Variants in CADM2 observed in about 807,000 individuals in gnomAD.
CADM2 encodes the protein cell adhesion molecule 2.
Under a neutral mutation model 49.8 loss-of-function variants are expected in CADM2, and 12 were observed. The observed-to-expected ratio is 0.24, with a 90% CI of 0.15 to 0.39. The LOEUF (loss-of-function observed/expected upper bound fraction) is 0.39. CADM2 is among the 10% of genes least tolerant of loss of function. CADM2 has a pLI of 1.00. For missense variants in CADM2, 378 were observed against 492.3 expected (o/e 0.77, Z 2.20); for synonymous variants, 214 against 175.4 (o/e 1.22, Z -1.74).
chr3:85,237,888 A>C (rs921178201), intron 1 of CADM2, among the ~76,000 whole-genome samples: 3 of 151,878 alleles, frequency 2.0e-5, no homozygotes. Context: ...TTTTTCTCTT[A>C]AAATTGAATT....
At chr3:86,059,490 C>T (rs1738366894) in intron 8 of CADM2, among the ~76,000 whole-genome samples, 1 of 152,092 alleles carries the variant, frequency 6.6e-6, no homozygotes, top group African/African-American at 2.4e-5. Context: ...TTTGTGTTTT[C>T]TGCATTGTCA....
At chr3:85,710,366 C>A (rs2067080413) in intron 1 of CADM2, among the ~76,000 whole-genome samples, 1 of 151,808 alleles carries the variant, frequency 6.6e-6, no homozygotes, top group South Asian at 2.1e-4. Context: ...TTTTTTTTCC[C>A]AGACAATAAA....
intron 1 of CADM2, among the ~76,000 whole-genome samples, chr3:85,127,153 A>C (rs2039063202): frequency 6.6e-6 from 1 of 152,108 alleles, no homozygotes; most frequent in African/African-American, 2.4e-5. Flanking sequence ...AATAAAATCA[A>C]TTTTTTAAAG....
chr3:85,294,970 C>T (rs1277246482), intron 1 of CADM2, among the ~76,000 whole-genome samples: 5 of 152,104 alleles, frequency 3.3e-5, no homozygotes, highest in Non-Finnish European at 7.4e-5. Flanking sequence ...AGCTTCTGCA[C>T]AGCAAAAGAA....
chr3:85,654,121 G>T (rs376895134), intron 1 of CADM2, among the ~76,000 whole-genome samples: 9 of 152,288 alleles, frequency 5.9e-5, no homozygotes, highest in Admixed American at 4.6e-4. Flanking sequence ...TTGATGACTG[G>T]TTGACTAGGT....
chr3:85,051,228 T>G (rs929605652), intron 1 of CADM2, among the ~76,000 whole-genome samples: 5 of 152,208 alleles, frequency 3.3e-5, no homozygotes, highest in Admixed American at 1.3e-4. Context: ...CTACCTCATA[T>G]TATCAGCCCC....
intron 6 of CADM2, among the ~76,000 whole-genome samples, chr3:85,914,571 T>A (rs1416072398): frequency 1.3e-5 from 2 of 152,186 alleles, no homozygotes; most frequent in Non-Finnish European, 2.9e-5. Flanking sequence ...AATAATTGAC[T>A]ACTTAGTTAA....
intron 1 of CADM2, among the ~76,000 whole-genome samples, chr3:85,030,508 CTAATGAAAATCATCTTTGTTTT>C (rs879345195): frequency 2.2e-4 from 34 of 152,192 alleles, no homozygotes; most frequent in Non-Finnish European, 4.3e-4. Flanking sequence ...TTTCTCACTG[CTAATGAAAATCATCTTTGTTTT>C]TATGAACTTT....
At chr3:85,169,401 T>G (rs2040559472) in intron 1 of CADM2, among the ~76,000 whole-genome samples, 1 of 152,200 alleles carries the variant, frequency 6.6e-6, no homozygotes, top group South Asian at 2.1e-4. Flanking sequence ...CTCTTCTCAG[T>G]TTAATCCTTC....
At chr3:85,796,514 C>A (rs1327651879) in intron 2 of CADM2, among the ~76,000 whole-genome samples, 1 of 152,054 alleles carries the variant, frequency 6.6e-6, no homozygotes, top group African/African-American at 2.4e-5. Flanking sequence ...AAAACTCCAC[C>A]CTAAAAATTA....
chr3:85,564,894 A>G (rs1421988361), intron 1 of CADM2, among the ~76,000 whole-genome samples: 1 of 152,096 alleles, frequency 6.6e-6, no homozygotes, highest in African/African-American at 2.4e-5. Flanking sequence ...CAGGAATACT[A>G]TTTAAGAGTA....
At chr3:85,723,585 A>G (rs1198567883) in intron 1 of CADM2, among the ~76,000 whole-genome samples, 3 of 152,152 alleles carry the variant, frequency 2.0e-5, no homozygotes, top group African/African-American at 7.2e-5. Context: ...AGCTGCCGGC[A>G]TACAGAAACA....
chr3:85,812,963 G>C (rs966064233), intron 3 of CADM2, among the ~76,000 whole-genome samples: 6 of 152,076 alleles, frequency 3.9e-5, no homozygotes, highest in Non-Finnish European at 7.4e-5. Flanking sequence ...TGGACATTCG[G>C]GTTGGTTCCA....
intron 1 of CADM2, among the ~76,000 whole-genome samples, chr3:85,660,996 A>G (rs2065385675): frequency 6.6e-6 from 1 of 152,024 alleles, no homozygotes; most frequent in Admixed American, 6.6e-5. Flanking sequence ...TCAGAATGAA[A>G]GTTAAGGTGG....
At chr3:85,881,280 T>C (rs1049581674) in intron 3 of CADM2, among the ~76,000 whole-genome samples, 2 of 152,230 alleles carry the variant, frequency 1.3e-5, no homozygotes, top group Non-Finnish European at 2.9e-5. Flanking sequence ...GTTTTCTGTT[T>C]TTTTTATTTG....
intron 1 of CADM2, among the ~76,000 whole-genome samples, chr3:85,062,301 G>A (rs900155903): frequency 6.6e-6 from 1 of 151,944 alleles, no homozygotes; most frequent in Non-Finnish European, 1.5e-5. Flanking sequence ...AATACTCATG[G>A]TAGTCCTAAA....
intron 1 of CADM2, among the ~76,000 whole-genome samples, chr3:85,448,431 G>A (rs948430156): frequency 4.0e-5 from 6 of 151,182 alleles, no homozygotes; most frequent in East Asian, 1.9e-4. Context: ...TATTTAAATC[G>A]TTGTTCTGCA....
intron 8 of CADM2, among the ~76,000 whole-genome samples, chr3:85,968,257 T>C (rs1725705058): frequency 1.3e-5 from 2 of 151,788 alleles, no homozygotes; most frequent in South Asian, 4.2e-4. Flanking sequence ...GGTGTACCTC[T>C]GACTGGATGA....
At chr3:84,989,907 T>G (rs1379067877) in intron 1 of CADM2, among the ~76,000 whole-genome samples, 5 of 151,678 alleles carry the variant, frequency 3.3e-5, no homozygotes, top group South Asian at 2.1e-4. Context: ...AAATATAAAA[T>G]AAAACTGCAG....
Sources: allele counts gnomAD v4.1 joint callset (sites outside exome capture counted in the v4.1 genomes callset), GRCh38; gene constraint gnomAD v4.1.1; transcripts MANE v1.5; gene names NCBI Gene and HGNC (gene_info 2026-07-23, HGNC 2026-07-21).